The following CNTNAP2 variants were observed in gnomAD, a reference collection of about 807,000 sequenced individuals.
The protein encoded by CNTNAP2 is contactin-associated protein-like 2.
Under a neutral mutation model 155.2 loss-of-function variants are expected in CNTNAP2, and 98 were observed. That is an observed-to-expected ratio of 0.63 (90% CI 0.54 to 0.75). The LOEUF (loss-of-function observed/expected upper bound fraction) is 0.75, where lower values mean the gene tolerates loss of function less well. Ranked by LOEUF, CNTNAP2 falls within the 30% of genes least tolerant of loss-of-function variation. The probability of loss-of-function intolerance (pLI) is 0.00; values close to 1 mark genes in which losing one functional copy is unlikely to be tolerated. For missense variants in CNTNAP2, 1,727 were observed against 1,688.1 expected (o/e 1.02, Z -0.40); for synonymous variants, 651 against 631.2 (o/e 1.03, Z -0.47).
At position 148,195,864 on chromosome 7, in the gene CNTNAP2, T is replaced by C. The variant is rs144034263; in HGVS notation, c.3011-21424T>C. Among the ~76,000 whole-genome samples, 403 of 152,162 alleles carry C rather than the reference T, an allele frequency of 2.6e-3. 2 individuals are homozygous for C. The highest frequency in any genetic ancestry group is 6.8e-3 in the Middle Eastern group (2 of 294). ...GAAATCACTAATATTTCCTGAGCAATTGAACCACAATAAAGACCGTGGAAA... is the reference window on the plus strand; with the variant it reads ...GAAATCACTAATATTTCCTGAGCAACTGAACCACAATAAAGACCGTGGAAA... On this transcript the variant is annotated intron_variant, in intron 18 of 23. Transcript: ENST00000361727.
intron 10 of CNTNAP2, among the ~76,000 whole-genome samples, chr7:147,468,685 AAGTC>A (rs1454522887): frequency 1.3e-5 from 2 of 152,180 alleles, no homozygotes; most frequent in Non-Finnish European, 2.9e-5. Context: ...ACTCACTTGA[AAGTC>A]AGCAGCCTGA....
intron 9 of CNTNAP2, among the ~76,000 whole-genome samples, chr7:147,351,234 G>A (rs1425157219): frequency 1.3e-5 from 2 of 151,592 alleles, no homozygotes; most frequent in Non-Finnish European, 3.0e-5. Context: ...TATGATTTGA[G>A]TGCTAGATTA....
intron 1 of CNTNAP2, among the ~76,000 whole-genome samples, chr7:146,748,146 T>TC (rs1554475984): frequency 7.1e-6 from 1 of 140,104 alleles, no homozygotes; most frequent in African/African-American, 2.7e-5. Context: ...TTCTTTTCTT[T>TC]TTTTTTTTTT....
At chr7:146,613,737 G>C (rs1799178180) in intron 1 of CNTNAP2, among the ~76,000 whole-genome samples, 1 of 152,066 alleles carries the variant, frequency 6.6e-6, no homozygotes, top group Non-Finnish European at 1.5e-5. Context: ...TCAAATGCTT[G>C]ATAGTAACAG....
At chr7:147,271,654 G>C (rs780858048) in intron 8 of CNTNAP2, among the ~76,000 whole-genome samples, 2 of 152,154 alleles carry the variant, frequency 1.3e-5, no homozygotes, top group Non-Finnish European at 2.9e-5. Flanking sequence ...CAGGGAAAGA[G>C]GGAATGAGAG....
At chr7:146,357,276 C>A (rs1379214658) in intron 1 of CNTNAP2, among the ~76,000 whole-genome samples, 3 of 147,596 alleles carry the variant, frequency 2.0e-5, no homozygotes, top group African/African-American at 7.5e-5. Context: ...ATAAAACATA[C>A]CCCACTACGT....
intron 14 of CNTNAP2, among the ~76,000 whole-genome samples, chr7:147,922,451 T>G (rs2045747008): frequency 6.6e-6 from 1 of 152,196 alleles, no homozygotes; most frequent in African/African-American, 2.4e-5. Flanking sequence ...TCAGGTTGCC[T>G]TATAGTCTTC....
intron 8 of CNTNAP2, among the ~76,000 whole-genome samples, chr7:147,288,052 T>G (rs1014224242): frequency 1.3e-5 from 2 of 152,142 alleles, no homozygotes; most frequent in East Asian, 1.9e-4. Flanking sequence ...CTGGTCCCTT[T>G]GGTCTGGCAC....
At chr7:147,536,155 TAA>T (rs145074749) in intron 11 of CNTNAP2, among the ~76,000 whole-genome samples, 2,222 of 152,326 alleles carry the variant, frequency 0.015, 57 homozygotes, top group African/African-American at 0.051. Flanking sequence ...GTCTGAAATT[TAA>T]CATGTTTCTT....
chr7:147,670,555 G>T (rs900438719), intron 13 of CNTNAP2, among the ~76,000 whole-genome samples: 18 of 152,318 alleles, frequency 1.2e-4, no homozygotes, highest in African/African-American at 3.8e-4. Context: ...GGACATCAGA[G>T]ACTGTGGCTG....
intron 10 of CNTNAP2, among the ~76,000 whole-genome samples, chr7:147,463,494 T>A (rs569229886): frequency 6.6e-6 from 1 of 152,182 alleles, no homozygotes; most frequent in South Asian, 2.1e-4. Flanking sequence ...TAGAATCTAA[T>A]TGGAGAGAGA....
chr7:147,261,191 C>T (rs972432653), intron 8 of CNTNAP2, among the ~76,000 whole-genome samples: 4 of 152,160 alleles, frequency 2.6e-5, no homozygotes, highest in African/African-American at 7.2e-5. Flanking sequence ...CTTTTGGTCA[C>T]CCATTAAATC....
intron 9 of CNTNAP2, among the ~76,000 whole-genome samples, chr7:147,377,791 T>C (rs1796463232): frequency 6.6e-6 from 1 of 151,906 alleles, no homozygotes; most frequent in Non-Finnish European, 1.5e-5. Flanking sequence ...TTCCTGACTG[T>C]TTTAAAATTG....
chr7:148,388,931 A>T (rs2116672442), intron 22 of CNTNAP2, among the ~76,000 whole-genome samples: 1 of 152,234 alleles, frequency 6.6e-6, no homozygotes, highest in Non-Finnish European at 1.5e-5. Context: ...GTGAAGTGTC[A>T]GTCTGCCCCT....
intron 1 of CNTNAP2, among the ~76,000 whole-genome samples, chr7:146,724,919 A>G (rs1585060571): frequency 6.6e-6 from 1 of 152,106 alleles, no homozygotes; most frequent in East Asian, 1.9e-4. Flanking sequence ...GGCTGCTGAA[A>G]CAAAACCACA....
intron 2 of CNTNAP2, among the ~76,000 whole-genome samples, chr7:146,805,913 T>G (rs940474104): frequency 6.6e-6 from 1 of 152,156 alleles, no homozygotes; most frequent in Non-Finnish European, 1.5e-5. Context: ...AAAGAAACCA[T>G]AGCTGGCCAG....
chr7:147,451,051 C>A (rs2373130), intron 10 of CNTNAP2, among the ~76,000 whole-genome samples: 30,079 of 152,180 alleles, frequency 0.2, 3,174 homozygotes, highest in East Asian at 0.36. Context: ...ATGCTTCCCT[C>A]AGCTGGAATA....
In CNTNAP2 at chr7:147,347,017, T is replaced by C. The variant is rs536488229; in HGVS notation, c.1498+46727T>C. Among the ~76,000 whole-genome samples the C allele has an allele frequency of 1.6e-4, 25 of 152,210 alleles. No homozygotes were observed. In the South Asian group the frequency reaches 3.7e-3, roughly 23 times the overall value. On this transcript the variant is annotated intron_variant, in intron 9 of 23. Transcript: ENST00000361727. ...ACACTAGTCATTGAGGATATAAAAA[T>C]GAAGAAAACATGAATTCCTACATGG...
chr7:146,228,798 A>T (rs1038142209), intron 1 of CNTNAP2, among the ~76,000 whole-genome samples: 12 of 152,182 alleles, frequency 7.9e-5, no homozygotes, highest in Admixed American at 5.2e-4. Context: ...TTTTTTAACC[A>T]TTGAGCATAC....
Sources: allele counts gnomAD v4.1 joint callset (sites outside exome capture counted in the v4.1 genomes callset), GRCh38; gene constraint gnomAD v4.1.1; transcripts MANE v1.5; gene names NCBI Gene and HGNC (gene_info 2026-07-23, HGNC 2026-07-21).